Variants in STK11 observed in about 807,000 individuals in gnomAD.
STK11 encodes serine/threonine-protein kinase STK11.
Under a neutral mutation model 47.3 loss-of-function variants are expected in STK11, and 8 were observed. The ratio of observed to expected loss-of-function variants is 0.17; its 90% CI spans 0.10 to 0.31. The LOEUF is 0.31. Among genes scored for constraint, STK11 ranks in the 10% least tolerant of loss-of-function variants. The probability of loss-of-function intolerance (pLI) is 1.00; values close to 1 mark genes in which losing one functional copy is unlikely to be tolerated. For synonymous variants in STK11, 330 were observed against 255.8 expected (o/e 1.29, Z -2.77); for missense variants, 475 against 605.0 (o/e 0.79, Z 2.25).
At chr19:1,223,900 C>T in intron 8 of STK11, 1 of 1,015,674 alleles carries the variant, frequency 9.8e-7, no homozygotes. Flanking sequence ...GCTTGCTGCG[C>T]TCGGGCTGGA....
At chr19:1,210,279 G>A (rs548513110) in intron 1 of STK11, among the ~76,000 whole-genome samples, 5 of 152,312 alleles carry the variant, frequency 3.3e-5, no homozygotes, top group African/African-American at 9.6e-5. Context: ...TGCTGCCAGC[G>A]CTGCAGGGAA....
intron 1 of STK11, among the ~76,000 whole-genome samples, chr19:1,215,051 AG>A (rs2080736200): frequency 6.6e-6 from 1 of 152,136 alleles, no homozygotes; most frequent in African/African-American, 2.4e-5. Context: ...GGGGGAGGTT[AG>A]GGGCACACAG....
intron 5 of STK11, 85 bp downstream of exon 5, chr19:1,220,802 C>T: frequency 5.9e-6 from 9 of 1,521,514 alleles, no homozygotes; most frequent in Middle Eastern, 4.9e-4. Context: ...CCTGTGGGCG[C>T]AGGGCGTGGC....
Position 1,223,372 on chromosome 19 carries a change from G to T in STK11, c.1108+200G>T, listed in dbSNP as rs927317790. On this transcript the variant is annotated intron_variant, in intron 8 of 9. Coordinates refer to ENST00000326873, the MANE Select transcript of STK11 (RefSeq NM_000455.5). ...CATGGCTGAAAGGTGTGGGGTCAGC[G>T]GGGGCACCAGCCCAGGCCTGTCTGG... 2.0e-5 allele frequency among the ~76,000 whole-genome samples: 3 copies of T among 152,246 alleles called. No homozygotes were observed. In the South Asian group the frequency reaches 6.2e-4, roughly 32 times the overall value.
rs1330068966 is a variant in STK11, at chr19:1,227,926, G to T, written c.*350G>T. On this transcript the variant is annotated 3_prime_UTR_variant, in exon 10 of 10. Coordinates refer to ENST00000326873, the MANE Select transcript of STK11 (RefSeq NM_000455.5). ...CGTGCTCCGCAGGGCGCCCAGCGCC[G>T]TCCGGCGGCCCCGCCGCAGACCAGC... is the stretch of plus-strand genomic sequence containing the variant. 2 of 1,070,336 alleles carry T rather than the reference G, an allele frequency of 1.9e-6. No homozygotes were observed. Among genetic ancestry groups the T allele is most frequent in the African/African-American group, 1.6e-5 (1 of 61,144 alleles). The allele number at this position is 1,070,336 out of a possible 1,614,324, so 66.3% of individuals were successfully genotyped here. A position where few individuals can be genotyped will look rare whatever the true frequency, so the allele number is the denominator to read the frequency against.
intron 8 of STK11, chr19:1,224,952 C>G: frequency 2.0e-6 from 2 of 985,548 alleles, no homozygotes; most frequent in Non-Finnish European, 2.4e-6. Flanking sequence ...CAGGACAGCC[C>G]GGCGCCCTCG....
At chr19:1,225,458 C>A in intron 8 of STK11, 1 of 824,992 alleles carries the variant, frequency 1.2e-6, no homozygotes, top group Non-Finnish European at 1.5e-6. Flanking sequence ...TTAGTAGAGA[C>A]GGGGGTTTCA....
intron 8 of STK11, chr19:1,226,229 G>T: frequency 7.2e-7 from 1 of 1,390,450 alleles, no homozygotes. Flanking sequence ...GTGGTGGAGG[G>T]GACACTCCTG....
chr19:1,222,931 C>G (rs2080795171), intron 7 of STK11, 54 bp from the exon 8 acceptor site: 1 of 1,488,326 alleles, frequency 6.7e-7, no homozygotes, highest in Non-Finnish European at 9.0e-7. Context: ...GGTCGGAAAA[C>G]TGGACCGCCC....
At chr19:1,208,305 CA>C (rs1286205243) in intron 1 of STK11, among the ~76,000 whole-genome samples, 3 of 134,010 alleles carry the variant, frequency 2.2e-5, no homozygotes, top group African/African-American at 7.9e-5. Context: ...GGCTCACGTA[CA>C]TTTTTTTTTT....
rs1333834752 is a variant in STK11, at chr19:1,222,102, G to C, written c.920+96G>C. The C allele has an allele frequency of 2.8e-6, 4 of 1,426,630 alleles. No homozygotes were observed. The African/African-American group carries it at 4.2e-5, about 15-fold the overall frequency. 88.4% of individuals were successfully genotyped at this position (1,426,630 alleles called of 1,614,324 possible). On this transcript the variant is annotated intron_variant, in intron 7 of 9. Coordinates refer to ENST00000326873, the MANE Select transcript of STK11 (RefSeq NM_000455.5). The stretch of plus-strand genomic sequence containing the variant: ...GGCGCTAGAGCAGGGCGTGGTGGGG[G>C]TGCCAGGCTGGGCTGGGGCCAGACC...
In STK11 at chr19:1,225,414, T is replaced by C. The variant is rs965006634; in HGVS notation, c.1109-1040T>C. The stretch of plus-strand genomic sequence containing the variant: ...CCTCCTGAGTAGCTGGGATTACAAG[T>C]GCGCGCCAGCATGCCCGGCTAATTT... On this transcript the variant is annotated intron_variant, in intron 8 of 9. Coordinates refer to ENST00000326873, the MANE Select transcript of STK11 (RefSeq NM_000455.5). The C allele has an allele frequency of 5.1e-6, 4 of 780,878 alleles. No individual in the cohort carries two copies. The African/African-American group carries it at 7.5e-5, about 15-fold the overall frequency. The allele number at this position is 780,878 out of a possible 1,614,324, so 48.4% of individuals were successfully genotyped here.
chr19:1,222,639 G>C (rs911321319), intron 7 of STK11, among the ~76,000 whole-genome samples: 1 of 152,212 alleles, frequency 6.6e-6, no homozygotes, highest in African/African-American at 2.4e-5. Flanking sequence ...GACTGGGGCT[G>C]CCCCCCGATA....
At position 1,218,394 on chromosome 19, in the gene STK11, C is replaced by G. The variant is rs77492397; in HGVS notation, c.291-23C>G. On this transcript the variant is annotated intron_variant, in intron 1 of 9. Coordinates refer to ENST00000326873, the MANE Select transcript of STK11 (RefSeq NM_000455.5). The stretch of plus-strand genomic sequence containing the variant: ...CATCCTGACGTTGGGTCGGCTGATA[C>G]ACCCCTGTCCTCTCTGTCCCAGGGA... 51 of 1,601,750 alleles carry G rather than the reference C, an allele frequency of 3.2e-5. No homozygotes were observed. The East Asian group carries it at 1.1e-3, about 36-fold the overall frequency.
chr19:1,209,437 G>C (rs2080693857), intron 1 of STK11, among the ~76,000 whole-genome samples: 2 of 152,104 alleles, frequency 1.3e-5, no homozygotes, highest in Non-Finnish European at 2.9e-5. Flanking sequence ...ACAAAAGTTA[G>C]CCGAGTGTGG....
At chr19:1,207,997 T>C (rs1183971081) in intron 1 of STK11, among the ~76,000 whole-genome samples, 1 of 152,212 alleles carries the variant, frequency 6.6e-6, no homozygotes, top group East Asian at 1.9e-4. Flanking sequence ...GGGGTGTCCC[T>C]GCCTTATCGC....
At chr19:1,210,624 C>T (rs1337578461) in intron 1 of STK11, among the ~76,000 whole-genome samples, 1 of 152,244 alleles carries the variant, frequency 6.6e-6, no homozygotes, top group East Asian at 1.9e-4. Flanking sequence ...AATCCCAGCA[C>T]TTTGGGAGGC....
At position 1,226,744 on chromosome 19, in the gene STK11, A is replaced by C. The variant is rs1311460471; in HGVS notation, c.*16+81A>C. The C allele has an allele frequency of 5.0e-6, 7 of 1,404,898 alleles. No individual in the cohort carries two copies. The Admixed American group carries it at 1.4e-4, about 29-fold the overall frequency. The allele number at this position is 1,404,898 out of a possible 1,614,324, so 87.0% of individuals were successfully genotyped here. ...GCCAGCCGTGAGCATAGCCCGCGCT[A>C]GTCAGTCATGGTGACCGTCACGTGG... On this transcript the variant is annotated intron_variant, in intron 9 of 9. Coordinates refer to ENST00000326873, the MANE Select transcript of STK11 (RefSeq NM_000455.5).
intron 1 of STK11, among the ~76,000 whole-genome samples, chr19:1,207,789 G>A (rs1266673148): frequency 2.0e-5 from 3 of 152,212 alleles, no homozygotes; most frequent in Non-Finnish European, 2.9e-5. Context: ...CCTGGCCCCC[G>A]GGGCTGGAAG....
Sources: allele counts gnomAD v4.1 joint callset (sites outside exome capture counted in the v4.1 genomes callset), GRCh38; gene constraint gnomAD v4.1.1; transcripts MANE v1.5; gene names NCBI Gene and HGNC (gene_info 2026-07-23, HGNC 2026-07-21).